PHB2: variants seen among roughly 807,000 people sequenced by gnomAD.
The protein encoded by PHB2 is prohibitin-2.
In PHB2, 22 loss-of-function variants were observed where a neutral mutation model predicts 46.4. The observed-to-expected ratio is 0.47, with a 90% confidence interval of 0.34 to 0.68. The LOEUF is 0.68. Among genes scored for constraint, PHB2 ranks in the 30% least tolerant of loss-of-function variants. The pLI is 0.01. For missense variants in PHB2, 305 were observed against 382.8 expected (o/e 0.80, Z 1.70); for synonymous variants, 156 against 150.5 (o/e 1.04, Z -0.27).
At position 6,969,499 on chromosome 12, in the gene PHB2, T is replaced by C; in HGVS notation, c.291A>G (p.Lys97=). The C allele has an allele frequency of 6.3e-7, 1 of 1,585,072 alleles. No homozygotes were observed. The highest frequency in any genetic ancestry group is 2.2e-5 in the East Asian group (1 of 44,580). The change falls in exon 3 of 10, where the codon AAA becomes AAG. Residue 97 remains lysine (K), a splice_region_variant and synonymous_variant. Transcript: ENST00000535923. ...TGATTACCAAGTGCTCAGACCTACC[T>C]TTGGAGCCTGTAGGGGAGGAGATTT... ...PRKISSPTGS[K]DLQMVNISLR...
At chr12:6,966,602 G>A in intron 7 of PHB2, 102 bp from the exon 8 acceptor site, 1 of 785,788 alleles carries the variant, frequency 1.3e-6, no homozygotes, top group Non-Finnish European at 2.3e-6. Context: ...TGCAGATTAG[G>A]GCAGGGGTGC....
At chr12:6,966,972 C>G (rs1368503048) in intron 7 of PHB2, among the ~76,000 whole-genome samples, 199 bp downstream of exon 7, 3 of 152,342 alleles carry the variant, frequency 2.0e-5, no homozygotes, top group Non-Finnish European at 4.4e-5. Flanking sequence ...TGGTCTCGAA[C>G]TCCTGACCTC....
chr12:6,969,724 A>C lies in PHB2; in HGVS notation c.213-147T>G. 3 of 594,060 alleles carry C rather than the reference A, an allele frequency of 5.0e-6. No individual in the cohort carries two copies. The East Asian group carries it at 8.7e-5, about 17-fold the overall frequency. 36.8% of individuals were successfully genotyped at this position (594,060 alleles called of 1,614,324 possible). On this transcript the variant is annotated intron_variant, in intron 2 of 9. Coordinates refer to ENST00000535923, the MANE Select transcript of PHB2 (RefSeq NM_001144831.2). ...AGACCAGCTTGATCTACATAGTGAA[A>C]CCCCGTCTCTACTAAAATACAAAAA...
Position 6,970,505 on chromosome 12 carries a change from G to A in PHB2, c.39C>T (p.Pro13=). ...QNLKDLAGRL[P]AGPRGMGTAL... ...CCGTGCCCATGCCCCGGGGCCCGGC[G>A]GGCAGCCGTCCCGCCAAGTCCTTCA... is the stretch of plus-strand genomic sequence containing the variant. The change falls in exon 1 of 10, where the codon CCC becomes CCT. Residue 13 remains proline, a synonymous_variant. Coordinates refer to ENST00000535923, the MANE Select transcript of PHB2 (RefSeq NM_001144831.2). The A allele has an allele frequency of 1.2e-6, 2 of 1,604,838 alleles. No individual in the cohort carries two copies. The highest frequency in any genetic ancestry group is 8.5e-7 in the Non-Finnish European group (1 of 1,178,394).
At chr12:6,970,322 G>A in intron 1 of PHB2, 42 bp from the exon 2 acceptor site, 1 of 1,607,934 alleles carries the variant, frequency 6.2e-7, no homozygotes, top group Non-Finnish European at 8.5e-7. Flanking sequence ...CCGCTGCTCA[G>A]AGGAAATGCT....
chr12:6,969,607 G>A (rs782439817), intron 2 of PHB2, 30 bp from the exon 3 acceptor site: 16 of 1,418,038 alleles, frequency 1.1e-5, no homozygotes, highest in African/African-American at 2.8e-5. Context: ...GTATTAAGAG[G>A]CCACAGTTTC....
rs1946246074 is a variant in PHB2 at position 6,968,041 on chromosome 12, G to C, written c.478-20C>G. 2 of 1,576,362 alleles carry C rather than the reference G, an allele frequency of 1.3e-6. No individual in the cohort carries two copies. The highest frequency in any genetic ancestry group is 1.7e-6 in the Non-Finnish European group (2 of 1,156,768). On this transcript the variant is annotated intron_variant, in intron 4 of 9. Coordinates refer to ENST00000535923, the MANE Select transcript of PHB2 (RefSeq NM_001144831.2). ...GGATACCTGAGGGCAGGGGTGAAGAGGGGAAGGGAGGGGTGGTTTGAGGGG... is the reference window on the plus strand; with the variant it reads ...GGATACCTGAGGGCAGGGGTGAAGACGGGAAGGGAGGGGTGGTTTGAGGGG...
chr12:6,965,966 CAT>C, intron 8 of PHB2, 50 bp from the exon 9 acceptor site: 2 of 1,588,912 alleles, frequency 1.3e-6, no homozygotes, highest in Non-Finnish European at 1.7e-6. Flanking sequence ...GAGAAATGCA[CAT>C]GTTAATTGAC....
In PHB2 at chr12:6,968,091, C is replaced by A. The variant is rs1249664083; in HGVS notation, c.478-70G>T. ...GACTGGGGAGCTGAAAGGAAGGTTGCGACCCCTAACCCTTCACTCTCAATA... is the reference window on the plus strand; with the variant it reads ...GACTGGGGAGCTGAAAGGAAGGTTGAGACCCCTAACCCTTCACTCTCAATA... On this transcript the variant is annotated intron_variant, in intron 4 of 9. Coordinates refer to ENST00000535923, the MANE Select transcript of PHB2 (RefSeq NM_001144831.2). 6.5e-6 allele frequency: 9 copies of A among 1,388,098 alleles called. No homozygotes were observed. The African/African-American group carries it at 1.3e-4, about 20-fold the overall frequency. The allele number at this position is 1,388,098 out of a possible 1,614,324, so 86.0% of individuals were successfully genotyped here.
At chr12:6,969,010 A>G (rs1946265527) in intron 3 of PHB2, among the ~76,000 whole-genome samples, 1 of 152,192 alleles carries the variant, frequency 6.6e-6, no homozygotes, top group Admixed American at 6.5e-5. Context: ...AGTACATTAC[A>G]GGTTACAGGT....
chr12:6,965,802 C>T, intron 9 of PHB2, 90 bp from the exon 10 acceptor site: 2 of 1,540,254 alleles, frequency 1.3e-6, no homozygotes, highest in African/African-American at 1.4e-5. Context: ...TACGACCCTC[C>T]TACCCTGATT....
At chr12:6,968,163 G>T in intron 4 of PHB2, 142 bp from the exon 5 acceptor site, 1 of 826,988 alleles carries the variant, frequency 1.2e-6, no homozygotes, top group Non-Finnish European at 1.9e-6. Flanking sequence ...TGTAACATAA[G>T]CCTCTCTGCT....
chr12:6,967,760 C>T lies in PHB2; in HGVS notation c.627G>A (p.Arg209=). ...TTGCTTTTTCTACCAAGAATTGGGCCCGCTGGGCCTCCTGCTGGGCTGTGG... is the reference window on the plus strand; with the variant it reads ...TTGCTTTTTCTACCAAGAATTGGGCTCGCTGGGCCTCCTGCTGGGCTGTGG... ...AKQVAQQEAQ[R]AQFLVEKAKQ... is the part of the protein sequence containing the mutation. Residue 209 remains arginine (R), a synonymous_variant, in exon 6 of 10, where the codon CGG becomes CGA. Transcript: ENST00000535923. This position sits in a 1 kb window ranked among gnomAD's most constrained non-coding sequence, Gnocchi z 4.9. 1 of 1,613,902 alleles carries T rather than the reference C, an allele frequency of 6.2e-7. No homozygotes were observed. Among genetic ancestry groups the T allele is most frequent in the Non-Finnish European group, 8.5e-7 (1 of 1,179,862 alleles).
intron 1 of PHB2, 61 bp downstream of exon 1, chr12:6,970,356 C>G: frequency 6.2e-7 from 1 of 1,604,250 alleles, no homozygotes; most frequent in Non-Finnish European, 8.5e-7. Flanking sequence ...GGCGCGGGGA[C>G]AGGGCAAGGG....
At chr12:6,969,137 C>T (rs1946269972) in intron 3 of PHB2, among the ~76,000 whole-genome samples, 1 of 151,974 alleles carries the variant, frequency 6.6e-6, no homozygotes, top group South Asian at 2.1e-4. Flanking sequence ...GTGAACTAGT[C>T]AAGCTTAGGG....
At position 6,965,528 on chromosome 12, in the gene PHB2, A is replaced by G. The variant is rs1555150628; in HGVS notation, c.*157T>C. The G allele has an allele frequency of 2.9e-6, 2 of 685,424 alleles. No homozygotes were observed. 42.5% of individuals were successfully genotyped at this position (685,424 alleles called of 1,614,324 possible). A position where few individuals can be genotyped will look rare whatever the true frequency, so the allele number is the denominator to read the frequency against. On this transcript the variant is annotated 3_prime_UTR_variant, in exon 10 of 10. Coordinates refer to ENST00000535923, the MANE Select transcript of PHB2 (RefSeq NM_001144831.2). ...TTCCCCAGAAAAGGGGCTAGTCTTC[A>G]GTCTTCCTTAATCCAAGAGGGGTTC...
At chr12:6,968,977 C>T (rs1555151441) in intron 3 of PHB2, among the ~76,000 whole-genome samples, 1 of 152,144 alleles carries the variant, frequency 6.6e-6, no homozygotes, top group African/African-American at 2.4e-5. Flanking sequence ...AATAAGCGAC[C>T]TGCACTAGGT....
Position 6,965,714 on chromosome 12 carries a change from T to C in PHB2, c.873-2A>G. The C allele has an allele frequency of 6.2e-7, 1 of 1,606,632 alleles. No homozygotes were observed. Among genetic ancestry groups the C allele is most frequent in the Non-Finnish European group, 8.5e-7 (1 of 1,178,038 alleles). On this transcript the variant is annotated splice_acceptor_variant, in intron 9 of 9. Coordinates refer to ENST00000535923, the MANE Select transcript of PHB2 (RefSeq NM_001144831.2). LOFTEE classifies it high-confidence loss of function. ...TTCTTACCCTTGATGAGGCTGTCAC[T>C]GTAGGAAAAAAAAGATAGATAATGA... is the stretch of plus-strand genomic sequence containing the variant.
chr12:6,970,221 T>C lies in PHB2; in HGVS notation c.187A>G (p.Ile63Val), dbSNP rs1555151807. 6.2e-7 allele frequency: 1 copy of C among 1,613,586 alleles called. No homozygotes were observed. Among genetic ancestry groups the C allele is most frequent in the Non-Finnish European group, 8.5e-7 (1 of 1,179,776 alleles). The change falls in exon 2 of 10, where the codon ATC becomes GTC. Residue 63 changes from isoleucine to valine, a missense_variant. Ile to Val is a conservative substitution (Grantham distance 29). Coordinates refer to ENST00000535923, the MANE Select transcript of PHB2 (RefSeq NM_001144831.2). ...NRIGGVQQDT[I>V]LAEGLHFRIP... ...CTGAAGTGAAGGCCCTCGGCCAGGA[T>C]AGTGTCCTGCTGCACTCCACCGATC... is the stretch of plus-strand genomic sequence containing the variant.
Sources: allele counts gnomAD v4.1 joint callset (sites outside exome capture counted in the v4.1 genomes callset), GRCh38; gene constraint gnomAD v4.1.1; non-coding constraint Gnocchi (gnomAD v3.1); transcripts MANE v1.5; gene names NCBI Gene and HGNC (gene_info 2026-07-23, HGNC 2026-07-21).